The following UBTF variants were observed in gnomAD, a reference collection of about 807,000 sequenced individuals.
UBTF encodes the protein upstream binding transcription factor, also known as nucleolar transcription factor 1.
A neutral mutation model predicts 112.3 loss-of-function variants in UBTF; 8 were observed. The observed-to-expected ratio is 0.07, with a 90% CI of 0.04 to 0.13. The LOEUF is 0.13. UBTF is among the 10% of genes least tolerant of loss of function. The probability of loss-of-function intolerance (pLI) is 1.00; values close to 1 mark genes in which losing one functional copy is unlikely to be tolerated. For synonymous variants in UBTF, 417 were observed against 373.1 expected (o/e 1.12, Z -1.36); for missense variants, 457 against 982.1 (o/e 0.47, Z 7.15).
At position 44,210,477 on chromosome 17, in the gene UBTF, C is replaced by T. The variant is rs774508195; in HGVS notation, c.1360-4G>A. 1.4e-5 allele frequency: 22 copies of T among 1,597,756 alleles called. No homozygotes were observed. The East Asian group carries it at 2.5e-4, about 18-fold the overall frequency. ...CCTCTCGGGCCTTGTACTTGGCCTG[C>T]GGGGATGGCCCGGGCGTCAGCCTTC... is the stretch of plus-strand genomic sequence containing the variant. On this transcript the variant is annotated splice_region_variant and splice_polypyrimidine_tract_variant and intron_variant, in intron 13 of 20. Coordinates refer to ENST00000436088, the MANE Select transcript of UBTF (RefSeq NM_014233.4).
Position 44,212,944 on chromosome 17 carries a change from C to G in UBTF, c.540-5G>C. 6.2e-7 allele frequency: 1 copy of G among 1,613,782 alleles called. No homozygotes were observed. Among genetic ancestry groups the G allele is most frequent in the Non-Finnish European group, 8.5e-7 (1 of 1,179,768 alleles). ...ATTAGGTCGGGGTGATCCTCCCTAG[C>G]CAGGACACGGGGAGCAAGGATCAGC... On this transcript the variant is annotated splice_region_variant and splice_polypyrimidine_tract_variant and intron_variant, in intron 6 of 20. Transcript: ENST00000436088.
At position 44,207,123 on chromosome 17, in the gene UBTF, G is replaced by T; in HGVS notation, c.*119C>A. On this transcript the variant is annotated 3_prime_UTR_variant, in exon 21 of 21. Coordinates refer to ENST00000436088, the MANE Select transcript of UBTF (RefSeq NM_014233.4). ...GTATTTTTTTTTTTTTTTAAAGAAA[G>T]AAAGAAAGTGGGGGAGGCCAGGGGG... is the stretch of plus-strand genomic sequence containing the variant. 3 of 1,082,678 alleles carry T rather than the reference G, an allele frequency of 2.8e-6. No individual in the cohort carries two copies. Among genetic ancestry groups the T allele is most frequent in the Non-Finnish European group, 3.9e-6 (3 of 768,954 alleles). 67.1% of individuals were successfully genotyped at this position (1,082,678 alleles called of 1,614,324 possible). A position where few individuals can be genotyped will look rare whatever the true frequency, so the allele number is the denominator to read the frequency against.
Position 44,209,557 on chromosome 17 carries a change from G to A in UBTF, c.1716-16C>T, listed in dbSNP as rs772799068. 3.1e-6 allele frequency: 5 copies of A among 1,611,898 alleles called. No homozygotes were observed. Among genetic ancestry groups the A allele is most frequent in the Non-Finnish European group, 4.2e-6 (5 of 1,178,368 alleles). Reference sequence around the variant, plus strand: ...GTAACCGTTCCTGGGAGGTGGGTTGGTAGAAGGAGGGTCAGGACCCCAACA... The same window carrying A: ...GTAACCGTTCCTGGGAGGTGGGTTGATAGAAGGAGGGTCAGGACCCCAACA... On this transcript the variant is annotated splice_polypyrimidine_tract_variant and intron_variant, in intron 16 of 20. Transcript: ENST00000436088.
In UBTF at chr17:44,206,992, C is replaced by T; in HGVS notation, c.*250G>A. 1 of 557,606 alleles carries T rather than the reference C, an allele frequency of 1.8e-6. No individual in the cohort carries two copies. Among genetic ancestry groups the T allele is most frequent in the East Asian group, 3.0e-5 (1 of 33,592 alleles). 34.5% of individuals were successfully genotyped at this position (557,606 alleles called of 1,614,324 possible). A position where few individuals can be genotyped will look rare whatever the true frequency, so the allele number is the denominator to read the frequency against. On this transcript the variant is annotated 3_prime_UTR_variant, in exon 21 of 21. Coordinates refer to ENST00000436088, the MANE Select transcript of UBTF (RefSeq NM_014233.4). Reference sequence around the variant, plus strand: ...TGGGGTGGGCCAGGCTGGTCCGGTGCTGGCTTAGTCTGATAGTTGCTGTCC... The same window carrying T: ...TGGGGTGGGCCAGGCTGGTCCGGTGTTGGCTTAGTCTGATAGTTGCTGTCC...
chr17:44,212,041 G>C, intron 8 of UBTF, 35 bp from the exon 9 acceptor site: 3 of 1,603,650 alleles, frequency 1.9e-6, no homozygotes, highest in Non-Finnish European at 2.6e-6. Context: ...AGGGCAATGG[G>C]GTGTGGAGTT....
At position 44,207,113 on chromosome 17, in the gene UBTF, TTTAAAG is replaced by T; in HGVS notation, c.*123_*128del. The T allele has an allele frequency of 6.6e-6, 7 of 1,064,406 alleles. No individual in the cohort carries two copies. The highest frequency in any genetic ancestry group is 9.3e-6 in the Non-Finnish European group (7 of 754,416). 65.9% of individuals were successfully genotyped at this position (1,064,406 alleles called of 1,614,324 possible). On this transcript the variant is annotated 3_prime_UTR_variant, in exon 21 of 21. Coordinates refer to ENST00000436088, the MANE Select transcript of UBTF (RefSeq NM_014233.4). ...TACCCCCACCGTATTTTTTTTTTTTTTTAAAGAAAGAAAGAAAGTGGGGGAGGCCAG... is the reference window on the plus strand; with the variant it reads ...TACCCCCACCGTATTTTTTTTTTTTTAAAGAAAGAAAGTGGGGGAGGCCAG...
chr17:44,211,094 T>C lies in UBTF; in HGVS notation c.1148A>G (p.Asn383Ser). The C allele has an allele frequency of 1.9e-6, 3 of 1,613,150 alleles. No individual in the cohort carries two copies. The highest frequency in any genetic ancestry group is 2.5e-6 in the Non-Finnish European group (3 of 1,179,990). Reference protein sequence around the residue: ...VLGEEKMLNINKKQATSPASK... With the variant: ...VLGEEKMLNISKKQATSPASK... ...GGCGGGGCTGGTGGCCTGCTTCTTG[T>C]TGATGTTCAGCATCTTCTCTTCCCC... Residue 383 changes from asparagine to serine, a missense_variant, in exon 12 of 21, where the codon AAC (asparagine) becomes AGC (serine). Around this residue, in one of 7 missense-constraint regions of UBTF, gnomAD observed 108 missense variants for 137.4 expected, o/e 0.79. Transcript: ENST00000436088. The surrounding 1 kb of genome is among the most constrained non-coding windows in gnomAD (Gnocchi z 4.9).
chr17:44,216,801 T>G, intron 2 of UBTF, 97 bp from the exon 3 acceptor site: 3 of 1,234,244 alleles, frequency 2.4e-6, no homozygotes, highest in Non-Finnish European at 2.3e-6. Flanking sequence ...CCCTAGGGCA[T>G]CCCAGCCCCT....
chr17:44,209,974 C>A, intron 15 of UBTF, 150 bp downstream of exon 15: 1 of 897,386 alleles, frequency 1.1e-6, no homozygotes. Context: ...GTCACCCCCA[C>A]CTTACTGATG....
At chr17:44,207,833 T>C in intron 18 of UBTF, 31 bp downstream of exon 18, 1 of 1,613,998 alleles carries the variant, frequency 6.2e-7, no homozygotes. Context: ...CCCCCACCCC[T>C]ACCCCACTGC....
chr17:44,215,568 C>T, intron 5 of UBTF, 86 bp downstream of exon 5: 1 of 1,545,356 alleles, frequency 6.5e-7, no homozygotes, highest in Admixed American at 1.8e-5. Flanking sequence ...TGCCAGGTTT[C>T]TCCAAGGCCT....
At chr17:44,213,009 C>G (rs950319211) in intron 6 of UBTF, 70 bp from the exon 7 acceptor site, 4 of 1,587,754 alleles carry the variant, frequency 2.5e-6, no homozygotes, top group African/African-American at 1.3e-5. Context: ...AGCTGCCCCA[C>G]CCACCAAGCC....
intron 1 of UBTF, 87 bp from the exon 2 acceptor site, chr17:44,218,383 G>A: frequency 1.4e-6 from 1 of 730,996 alleles, no homozygotes; most frequent in Non-Finnish European, 2.3e-6. Flanking sequence ...GAAGGGGGCA[G>A]GTCCACACTC....
intron 7 of UBTF, 56 bp downstream of exon 7, chr17:44,212,763 T>TC: frequency 6.2e-7 from 1 of 1,602,084 alleles, no homozygotes; most frequent in Admixed American, 1.7e-5. Flanking sequence ...CTGGCGCGGC[T>TC]CCCCCCTGGC....
rs935332111 is a variant in UBTF at position 44,210,478 on chromosome 17, G to C, written c.1360-5C>G. 6.3e-7 allele frequency: 1 copy of C among 1,598,200 alleles called. No homozygotes were observed. Among genetic ancestry groups the C allele is most frequent in the South Asian group, 1.1e-5 (1 of 90,082 alleles). ...CTCTCGGGCCTTGTACTTGGCCTGC[G>C]GGGATGGCCCGGGCGTCAGCCTTCC... On this transcript the variant is annotated splice_region_variant and splice_polypyrimidine_tract_variant and intron_variant, in intron 13 of 20. Transcript: ENST00000436088.
In UBTF at chr17:44,211,023, C is replaced by T. The variant is rs756119876; in HGVS notation, c.1203+16G>A. The stretch of plus-strand genomic sequence containing the variant: ...TCTTGCCCACCCCCGCCTGCGCGGC[C>T]GCACCCTCTGCCCACCTTGCCCCCT... On this transcript the variant is annotated intron_variant, in intron 12 of 20. Coordinates refer to ENST00000436088, the MANE Select transcript of UBTF (RefSeq NM_014233.4). The surrounding 1 kb of genome is among the most constrained non-coding windows in gnomAD (Gnocchi z 4.9). 20 of 1,606,678 alleles carry T rather than the reference C, an allele frequency of 1.2e-5. No individual in the cohort carries two copies. The highest frequency in any genetic ancestry group is 2.2e-5 in the South Asian group (2 of 90,388).
chr17:44,210,062 G>A (rs2056551926), intron 15 of UBTF, 62 bp downstream of exon 15: 1 of 1,556,862 alleles, frequency 6.4e-7, no homozygotes, highest in Admixed American at 1.7e-5. Flanking sequence ...GCTCAGAGCT[G>A]CCCAACCAAA....
Position 44,211,345 on chromosome 17 carries a change from T to C in UBTF, c.1048-14A>G, listed in dbSNP as rs371187788. On this transcript the variant is annotated splice_polypyrimidine_tract_variant and intron_variant, in intron 10 of 20. Coordinates refer to ENST00000436088, the MANE Select transcript of UBTF (RefSeq NM_014233.4). The surrounding 1 kb of genome is among the most constrained non-coding windows in gnomAD (Gnocchi z 4.9). ...ATCTTTCTTTTTCTGGGAAAGTGAGTGGAGTCAGGATCAGTCTGGAGACAG... is the reference window on the plus strand; with the variant it reads ...ATCTTTCTTTTTCTGGGAAAGTGAGCGGAGTCAGGATCAGTCTGGAGACAG... 3 of 1,613,748 alleles carry C rather than the reference T, an allele frequency of 1.9e-6. No homozygotes were observed. The highest frequency in any genetic ancestry group is 2.5e-6 in the Non-Finnish European group (3 of 1,179,950).
intron 5 of UBTF, among the ~76,000 whole-genome samples, chr17:44,214,531 C>T (rs1256633037): frequency 6.6e-6 from 1 of 152,166 alleles, no homozygotes; most frequent in Non-Finnish European, 1.5e-5. Flanking sequence ...TTGGCCTCTC[C>T]CTCCCATCCC....
Sources: gnomAD v4.1 joint callset for allele counts (sites outside exome capture counted in the v4.1 genomes callset) on GRCh38, gnomAD v4.1.1 for gene constraint, gnomAD v4.1.1 regional missense constraint, Gnocchi (gnomAD v3.1) non-coding constraint, MANE v1.5 for transcripts, NCBI Gene and HGNC (gene_info 2026-07-23, HGNC 2026-07-21) for gene names.